Variants in JAZF1 observed in about 807,000 individuals in gnomAD.
JAZF1 encodes the protein JAZF zinc finger 1, also known as juxtaposed with another zinc finger protein 1.
JAZF1 carries 8 observed loss-of-function variants against 26.4 expected under a neutral mutation model. The ratio of observed to expected loss-of-function variants is 0.30; its 90% CI spans 0.18 to 0.55. The LOEUF is 0.55. JAZF1 is among the 20% of genes least tolerant of loss of function. The probability of loss-of-function intolerance (pLI) is 0.94; values close to 1 mark genes in which losing one functional copy is unlikely to be tolerated. For synonymous variants in JAZF1, 126 were observed against 122.3 expected, an observed-to-expected ratio of 1.03 and a Z score of -0.20; for missense variants, 199 against 322.0, an observed-to-expected ratio of 0.62 and a Z score of 2.92.
intron 1 of JAZF1, among the ~76,000 whole-genome samples, chr7:28,114,521 T>G (rs1784711830): frequency 6.6e-6 from 1 of 151,438 alleles, no homozygotes; most frequent in Non-Finnish European, 1.5e-5. Flanking sequence ...ATATATAGAT[T>G]AGACAAACAG....
At chr7:28,020,441 G>C in intron 1 of JAZF1, 1 of 381,144 alleles carries the variant, frequency 2.6e-6, no homozygotes, top group Non-Finnish European at 5.3e-6. Context: ...CAAACGAGGA[G>C]AGCCAGCGCC....
chr7:28,180,524 G>A lies in JAZF1; in HGVS notation c.54C>T (p.Gly18=), dbSNP rs1200191632. ...SFFSNTCRFG[G]CGLHFPTLAD... is the part of the protein sequence containing the mutation. ...CCAGGGTGGGGAAGTGGAGTCCGCA[G>A]CCCCCGAATCGGCAGGTATTGGAGA... Residue 18 remains glycine, a synonymous_variant, in exon 1 of 5, where the codon GGC becomes GGT. Coordinates refer to ENST00000283928, the MANE Select transcript of JAZF1 (RefSeq NM_175061.4). The A allele has an allele frequency of 2.4e-5, 39 of 1,610,750 alleles. No individual in the cohort carries two copies. Among genetic ancestry groups the A allele is most frequent in the Non-Finnish European group, 3.3e-5 (39 of 1,178,798 alleles).
intron 3 of JAZF1, among the ~76,000 whole-genome samples, chr7:27,852,417 A>ATTCCAT (rs1783168816): frequency 6.6e-6 from 1 of 152,132 alleles, no homozygotes; most frequent in African/African-American, 2.4e-5. Context: ...TACAGGCATG[A>ATTCCAT]GCCACTGCAC....
At chr7:28,141,445 T>C (rs1175509150) in intron 1 of JAZF1, among the ~76,000 whole-genome samples, 2 of 152,188 alleles carry the variant, frequency 1.3e-5, no homozygotes, top group Admixed American at 6.5e-5. Flanking sequence ...CCAGTTTTCT[T>C]GGTTAAAAAG....
At chr7:28,121,983 G>A (rs949851642) in intron 1 of JAZF1, among the ~76,000 whole-genome samples, 1 of 152,150 alleles carries the variant, frequency 6.6e-6, no homozygotes, top group South Asian at 2.1e-4. Context: ...AAAAAGAAAA[G>A]TTTTCAAGAT....
chr7:27,882,297 T>C (rs1783786952), intron 3 of JAZF1, among the ~76,000 whole-genome samples: 1 of 151,716 alleles, frequency 6.6e-6, no homozygotes, highest in African/African-American at 2.4e-5. Flanking sequence ...AAGCAGAGCC[T>C]AATTGGCTTG....
intron 1 of JAZF1, among the ~76,000 whole-genome samples, chr7:28,026,954 C>A (rs1431778917): frequency 1.3e-5 from 2 of 152,212 alleles, no homozygotes; most frequent in Non-Finnish European, 2.9e-5. Context: ...TCACACCTTC[C>A]CTCCTATTCG....
chr7:28,051,131 C>CAAAAAA (rs775277755), intron 1 of JAZF1, among the ~76,000 whole-genome samples: 13 of 96,530 alleles, frequency 1.3e-4, no homozygotes, highest in East Asian at 3.7e-4. Flanking sequence ...GACTCCATCT[C>CAAAAAA]AAAAAAAAAA....
chr7:28,067,604 A>G (rs1783904864), intron 1 of JAZF1, among the ~76,000 whole-genome samples: 1 of 152,280 alleles, frequency 6.6e-6, no homozygotes, highest in South Asian at 2.1e-4. Flanking sequence ...TGTTGGGCAA[A>G]CTTTCTCTTG....
intron 2 of JAZF1, among the ~76,000 whole-genome samples, chr7:27,970,974 T>C (rs1249870519): frequency 6.6e-6 from 1 of 152,240 alleles, no homozygotes; most frequent in Non-Finnish European, 1.5e-5. Context: ...AGAGCTATGA[T>C]GCATGGTCAC....
chr7:27,922,569 C>T (rs1454113647), intron 2 of JAZF1, among the ~76,000 whole-genome samples: 1 of 152,098 alleles, frequency 6.6e-6, no homozygotes, highest in African/African-American at 2.4e-5. Context: ...TTCTTAAAGT[C>T]AGCAAAATAA....
chr7:27,889,223 T>C (rs898913718), intron 3 of JAZF1, among the ~76,000 whole-genome samples: 1 of 151,992 alleles, frequency 6.6e-6, no homozygotes, highest in African/African-American at 2.4e-5. Context: ...AGAGGTAGAT[T>C]AAAATTTTTT....
chr7:28,025,230 T>C (rs181546311), intron 1 of JAZF1, among the ~76,000 whole-genome samples: 4 of 152,338 alleles, frequency 2.6e-5, no homozygotes, highest in East Asian at 1.9e-4. Flanking sequence ...TTACCAATGA[T>C]AGTGTTAAAG....
intron 1 of JAZF1, among the ~76,000 whole-genome samples, chr7:28,088,664 G>T (rs1784246033): frequency 6.6e-6 from 1 of 152,120 alleles, no homozygotes; most frequent in Non-Finnish European, 1.5e-5. Context: ...AAAGAAAAGG[G>T]GGCCTGTCTC....
At chr7:28,055,008 T>C (rs1783680173) in intron 1 of JAZF1, among the ~76,000 whole-genome samples, 1 of 152,102 alleles carries the variant, frequency 6.6e-6, no homozygotes. Context: ...ACCAGGGCTA[T>C]AGATGAACTA....
At chr7:27,922,610 T>G (rs912879289) in intron 2 of JAZF1, among the ~76,000 whole-genome samples, 1 of 152,102 alleles carries the variant, frequency 6.6e-6, no homozygotes, top group Non-Finnish European at 1.5e-5. Context: ...AAAATAACTT[T>G]TAATAGGAAA....
intron 3 of JAZF1, among the ~76,000 whole-genome samples, chr7:27,852,203 C>T (rs1227417750): frequency 2.0e-5 from 3 of 151,306 alleles, no homozygotes; most frequent in Non-Finnish European, 4.4e-5. Flanking sequence ...GCGATCTGAG[C>T]TCACTGCAAC....
At chr7:28,096,946 A>C (rs947470831) in intron 1 of JAZF1, among the ~76,000 whole-genome samples, 1 of 152,230 alleles carries the variant, frequency 6.6e-6, no homozygotes, top group Non-Finnish European at 1.5e-5. Flanking sequence ...GGAAAATATT[A>C]CCAAGTGGCT....
intron 1 of JAZF1, among the ~76,000 whole-genome samples, chr7:28,178,199 A>C (rs1258474493): frequency 6.6e-6 from 1 of 152,224 alleles, no homozygotes; most frequent in Non-Finnish European, 1.5e-5. Context: ...TAGAAAACGT[A>C]TCAAACTCTT....
Sources: allele counts gnomAD v4.1 joint callset (sites outside exome capture counted in the v4.1 genomes callset), GRCh38; gene constraint gnomAD v4.1.1; transcripts MANE v1.5; gene names NCBI Gene and HGNC (gene_info 2026-07-23, HGNC 2026-07-21).